LPP: variants seen among roughly 807,000 people sequenced by gnomAD.
LPP encodes the protein lipoma-preferred partner.
In LPP, 38 loss-of-function variants were observed where a neutral mutation model predicts 60.4. The observed-to-expected ratio is 0.63, with a 90% CI of 0.49 to 0.83. The LOEUF (loss-of-function observed/expected upper bound fraction) is 0.83. Among genes scored for constraint, LPP ranks in the 40% least tolerant of loss-of-function variants. The pLI, the probability that LPP is intolerant of heterozygous loss-of-function variation, is 0.00. For synonymous variants in LPP, 328 were observed against 290.8 expected (o/e 1.13, Z -1.30); for missense variants, 902 against 783.6 (o/e 1.15, Z -1.80).
At chr3:188,448,745 A>G (rs1795920619) in intron 4 of LPP, among the ~76,000 whole-genome samples, 1 of 152,166 alleles carries the variant, frequency 6.6e-6, no homozygotes, top group Non-Finnish European at 1.5e-5. Flanking sequence ...CCTCTCCCAA[A>G]CAACATTTGT....
At chr3:188,371,641 A>ATATATAT (rs1553878071) in intron 3 of LPP, among the ~76,000 whole-genome samples, 5 of 32,172 alleles carry the variant, frequency 1.6e-4, no homozygotes, top group African/African-American at 3.7e-4. Flanking sequence ...ATATATATAT[A>ATATATAT]TTTTTTTTTT....
At chr3:188,384,197 G>A (rs1348254697) in intron 3 of LPP, among the ~76,000 whole-genome samples, 1 of 152,098 alleles carries the variant, frequency 6.6e-6, no homozygotes, top group Non-Finnish European at 1.5e-5. Context: ...TTGCCCATTT[G>A]ATCTATTGAG....
At chr3:188,179,100 G>A (rs945750560) in intron 1 of LPP, 7 of 344,906 alleles carry the variant, frequency 2.0e-5, no homozygotes, top group Non-Finnish European at 2.3e-5. Flanking sequence ...GAGACAGAGA[G>A]AGAGAGAGAG....
rs953022433 is a variant in LPP, at chr3:188,312,789, G to A, written c.-66-28874G>A. ...GTATTTAATACTTAAGAACACCGTG[G>A]AATACTATGCAGCCATAATAAAGGA... On this transcript the variant is annotated intron_variant, in intron 2 of 11. Transcript: ENST00000617246. The A allele has an allele frequency of 2.0e-5, 3 of 152,162 alleles. No homozygotes were observed. The South Asian group carries it at 6.2e-4, about 32-fold the overall frequency. The allele number at this position is 152,162 out of a possible 1,614,324, so 9.4% of individuals were successfully genotyped here. A position where few individuals can be genotyped will look rare whatever the true frequency, so the allele number is the denominator to read the frequency against.
In LPP at chr3:188,887,564, A is replaced by G. The variant is rs912784641; in HGVS notation, c.*13085A>G. ...AGAGTTTGCATTTTACTAATCCTAT[A>G]TACTTTGAGCTTAGTTTTTAGAATT... On this transcript the variant is annotated 3_prime_UTR_variant, in exon 12 of 12. Coordinates refer to ENST00000617246, the MANE Select transcript of LPP (RefSeq NM_001375462.1). 9 of 215,936 alleles carry G rather than the reference A, an allele frequency of 4.2e-5. No homozygotes were observed. Among genetic ancestry groups the G allele is most frequent in the African/African-American group, 6.7e-5 (3 of 44,448 alleles). The allele number at this position is 215,936 out of a possible 1,614,324, so 13.4% of individuals were successfully genotyped here.
In LPP at chr3:188,881,398, G is replaced by A; in HGVS notation, c.*6919G>A. ...GTGTCATGTCCTATCACTCTCTGCTGCTTCTTTAAACAGTGGACACAAACA... is the reference window on the plus strand; with the variant it reads ...GTGTCATGTCCTATCACTCTCTGCTACTTCTTTAAACAGTGGACACAAACA... On this transcript the variant is annotated 3_prime_UTR_variant, in exon 12 of 12. Transcript: ENST00000617246. 1 of 203,854 alleles carries A rather than the reference G, an allele frequency of 4.9e-6. No individual in the cohort carries two copies. The highest frequency in any genetic ancestry group is 1.0e-5 in the Non-Finnish European group (1 of 98,980). 12.6% of individuals were successfully genotyped at this position (203,854 alleles called of 1,614,324 possible). A position where few individuals can be genotyped will look rare whatever the true frequency, so the allele number is the denominator to read the frequency against.
intron 1 of LPP, among the ~76,000 whole-genome samples, chr3:188,192,957 C>T (rs538892998): frequency 1.3e-5 from 2 of 152,322 alleles, no homozygotes; most frequent in East Asian, 3.9e-4. Context: ...TTCTCTCCAT[C>T]TTTCCTTGCT....
rs187317645 is a variant in LPP, at chr3:188,364,377, G to A, written c.-10+22658G>A. 2.8e-3 allele frequency among the ~76,000 whole-genome samples: 423 copies of A among 152,150 alleles called. 1 individual carries two copies. Among genetic ancestry groups the A allele is most frequent in the African/African-American group, 9.1e-3 (379 of 41,516 alleles). ...GATACTTATTTATATACTTGCCTTC[G>A]TTCGTTTTTTAGACAAATTTTATTT... On this transcript the variant is annotated intron_variant, in intron 3 of 11. Transcript: ENST00000617246.
intron 5 of LPP, among the ~76,000 whole-genome samples, chr3:188,493,843 T>A (rs1050580708): frequency 3.3e-5 from 5 of 152,192 alleles, no homozygotes; most frequent in Non-Finnish European, 7.3e-5. Flanking sequence ...TTCTTCTCTA[T>A]TCTTCATATT....
At chr3:188,753,214 G>A (rs560887973) in intron 8 of LPP, among the ~76,000 whole-genome samples, 6 of 152,246 alleles carry the variant, frequency 3.9e-5, no homozygotes, top group Admixed American at 2.0e-4. Flanking sequence ...TTGGTTGGTA[G>A]GACTAAATGA....
chr3:188,585,183 A>G (rs1837161349), intron 6 of LPP, among the ~76,000 whole-genome samples: 1 of 152,220 alleles, frequency 6.6e-6, no homozygotes, highest in Non-Finnish European at 1.5e-5. Flanking sequence ...ATTTAGAGAA[A>G]TCAGAGTCCT....
At chr3:188,764,755 A>G (rs1411847616) in intron 9 of LPP, among the ~76,000 whole-genome samples, 1 of 152,174 alleles carries the variant, frequency 6.6e-6, no homozygotes, top group Non-Finnish European at 1.5e-5. Context: ...ATTCTCAGCA[A>G]AAGTCTATTT....
At chr3:188,224,468 T>C (rs572938098) in intron 1 of LPP, among the ~76,000 whole-genome samples, 1 of 152,274 alleles carries the variant, frequency 6.6e-6, no homozygotes, top group South Asian at 2.1e-4. Flanking sequence ...AGCAAAACAA[T>C]AATAGTTGCT....
At chr3:188,657,258 G>GTGTATATATATATA (rs1553782707) in intron 7 of LPP, among the ~76,000 whole-genome samples, 63 of 89,838 alleles carry the variant, frequency 7.0e-4, no homozygotes, top group Middle Eastern at 6.6e-3. Context: ...CTGTCAAGGT[G>GTGTATATATATATA]TATATATATA....
intron 2 of LPP, among the ~76,000 whole-genome samples, chr3:188,249,831 C>CACACACACACAT (rs1432012736): frequency 2.4e-5 from 2 of 83,534 alleles, no homozygotes; most frequent in African/African-American, 8.9e-5. Flanking sequence ...TCTCTGTCTA[C>CACACACACACAT]ACACACACAC....
intron 6 of LPP, among the ~76,000 whole-genome samples, chr3:188,568,863 T>C (rs1279300910): frequency 6.6e-6 from 1 of 151,886 alleles, no homozygotes; most frequent in African/African-American, 2.4e-5. Context: ...TGGGACTGTG[T>C]GGGCAGACAG....
chr3:188,587,693 T>C (rs988268500), intron 6 of LPP, among the ~76,000 whole-genome samples: 11 of 152,204 alleles, frequency 7.2e-5, no homozygotes, highest in African/African-American at 2.7e-4. Flanking sequence ...GATTAAGAGA[T>C]TGTGGGCCAG....
chr3:188,728,104 C>T (rs904386233), intron 8 of LPP, among the ~76,000 whole-genome samples: 1 of 151,974 alleles, frequency 6.6e-6, no homozygotes, highest in African/African-American at 2.4e-5. Context: ...AACTACACAC[C>T]CACACACATC....
At chr3:188,203,483 AT>A (rs1560107233) in intron 1 of LPP, among the ~76,000 whole-genome samples, 2 of 88,664 alleles carry the variant, frequency 2.3e-5, no homozygotes, top group African/African-American at 4.5e-5. Flanking sequence ...AAATATATAT[AT>A]ATTTTTAAAT....
Sources: gnomAD v4.1 joint callset for allele counts (sites outside exome capture counted in the v4.1 genomes callset) on GRCh38, gnomAD v4.1.1 for gene constraint, MANE v1.5 for transcripts, NCBI Gene and HGNC (gene_info 2026-07-23, HGNC 2026-07-21) for gene names.